SYNJ2: variants seen among roughly 807,000 people sequenced by gnomAD.
The protein encoded by SYNJ2 is synaptojanin 2, also known as polyphosphatidylinositol phosphatase SYNJ2.
SYNJ2 carries 116 observed loss-of-function variants against 141.3 expected under a neutral mutation model. That is an observed-to-expected ratio of 0.82 (90% CI 0.71 to 0.96). The LOEUF (loss-of-function observed/expected upper bound fraction) is 0.96. Ranked by LOEUF, SYNJ2 falls within the 40% of genes least tolerant of loss-of-function variation. The probability of loss-of-function intolerance (pLI) is 0.00; values close to 1 mark genes in which losing one functional copy is unlikely to be tolerated. For missense variants in SYNJ2, 1,873 were observed against 1,934.8 expected (o/e 0.97, Z 0.60); for synonymous variants, 745 against 777.7 (o/e 0.96, Z 0.70).
intron 1 of SYNJ2, among the ~76,000 whole-genome samples, chr6:157,987,186 C>T (rs1397609140): frequency 6.6e-6 from 1 of 152,052 alleles, no homozygotes; most frequent in African/African-American, 2.4e-5. Flanking sequence ...GGCATTTCAC[C>T]ATGTTGGCCA....
At chr6:158,044,294 T>A (rs1780119098) in intron 5 of SYNJ2, among the ~76,000 whole-genome samples, 1 of 152,196 alleles carries the variant, frequency 6.6e-6, no homozygotes, top group Non-Finnish European at 1.5e-5. Context: ...GTTCAGCTTC[T>A]TAGCCTGCTC....
intron 1 of SYNJ2, among the ~76,000 whole-genome samples, chr6:157,986,283 C>T (rs1777200238): frequency 6.6e-6 from 1 of 152,236 alleles, no homozygotes; most frequent in Non-Finnish European, 1.5e-5. Flanking sequence ...TAGCCGGAGG[C>T]TGTCTCAGCG....
At chr6:158,032,460 C>T (rs967989296) in intron 3 of SYNJ2, among the ~76,000 whole-genome samples, 1 of 152,230 alleles carries the variant, frequency 6.6e-6, no homozygotes, top group East Asian at 1.9e-4. Context: ...AGTATGGGCC[C>T]TCAGGATGGT....
intron 6 of SYNJ2, among the ~76,000 whole-genome samples, chr6:158,058,464 C>T (rs1305903540): frequency 1.3e-5 from 2 of 152,192 alleles, no homozygotes; most frequent in Non-Finnish European, 2.9e-5. Context: ...TTTCCAAAGC[C>T]TGCAAGTTTT....
intron 7 of SYNJ2, among the ~76,000 whole-genome samples, chr6:158,061,773 C>G: frequency 6.6e-6 from 1 of 152,298 alleles, no homozygotes; most frequent in East Asian, 1.9e-4. Context: ...TCTGCCCTTT[C>G]GCAGGCAAGA....
At chr6:158,018,408 G>C (rs774476022) in intron 2 of SYNJ2, among the ~76,000 whole-genome samples, 1 of 152,228 alleles carries the variant, frequency 6.6e-6, no homozygotes, top group Non-Finnish European at 1.5e-5. Flanking sequence ...TGGCTGAGAT[G>C]GGAATGGCTG....
intron 15 of SYNJ2, among the ~76,000 whole-genome samples, chr6:158,072,029 C>T (rs947078951): frequency 2.6e-5 from 4 of 152,224 alleles, no homozygotes; most frequent in Admixed American, 6.5e-5. Flanking sequence ...TGTACAATTC[C>T]TGAGTGTCTG....
At chr6:158,011,734 C>T (rs548786025) in intron 1 of SYNJ2, among the ~76,000 whole-genome samples, 6 of 152,282 alleles carry the variant, frequency 3.9e-5, no homozygotes, top group African/African-American at 1.2e-4. Flanking sequence ...TTGGCCACAA[C>T]ACTTTGTTTA....
rs1276388419 is a variant in SYNJ2, at chr6:158,033,685, G to C, written c.711+5G>C. The C allele has an allele frequency of 1.2e-6, 2 of 1,601,514 alleles. No individual in the cohort carries two copies. The highest frequency in any genetic ancestry group is 1.7e-6 in the Non-Finnish European group (2 of 1,174,426). Reference sequence around the variant, plus strand: ...AACTTCGTGGAGACAGAGCAGGTGAGTGCCCAGGCCCATCTGTGGCACCAA... The same window carrying C: ...AACTTCGTGGAGACAGAGCAGGTGACTGCCCAGGCCCATCTGTGGCACCAA... On this transcript the variant is annotated splice_donor_5th_base_variant and intron_variant, in intron 4 of 26. Coordinates refer to ENST00000355585, the MANE Select transcript of SYNJ2 (RefSeq NM_003898.4).
intron 22 of SYNJ2, 43 bp from the exon 23 acceptor site, chr6:158,086,812 T>C: frequency 6.2e-7 from 1 of 1,603,504 alleles, no homozygotes; most frequent in Non-Finnish European, 8.5e-7. Context: ...CACGCTCACG[T>C]GTGGAACAGA....
chr6:157,995,595 C>G (rs571987576), intron 1 of SYNJ2, among the ~76,000 whole-genome samples: 127 of 152,318 alleles, frequency 8.3e-4, no homozygotes, highest in Non-Finnish European at 1.5e-3. Context: ...TGAGCATCTG[C>G]GAGTGAAGTG....
At chr6:158,010,075 C>T (rs1266000033) in intron 1 of SYNJ2, among the ~76,000 whole-genome samples, 2 of 152,214 alleles carry the variant, frequency 1.3e-5, no homozygotes, top group African/African-American at 4.8e-5. Context: ...CACCACCATG[C>T]CTGGTTACTT....
At chr6:158,025,955 AAAAT>A (rs754676260) in intron 2 of SYNJ2, among the ~76,000 whole-genome samples, 20 of 149,004 alleles carry the variant, frequency 1.3e-4, no homozygotes, top group African/African-American at 3.5e-4. Context: ...TCTGTCTCAA[AAAAT>A]AAATAAATAA....
intron 11 of SYNJ2, 83 bp from the exon 12 acceptor site, chr6:158,066,361 G>T (rs1334719820): frequency 1.3e-6 from 2 of 1,504,234 alleles, no homozygotes; most frequent in African/African-American, 1.4e-5. Context: ...ATCTGTCTCT[G>T]CCAGGCAGCC....
chr6:158,078,043 G>A (rs1562391116), intron 17 of SYNJ2, 121 bp from the exon 18 acceptor site: 1 of 655,924 alleles, frequency 1.5e-6, no homozygotes, highest in Non-Finnish European at 2.7e-6. Context: ...GAGTAAGGAG[G>A]ATGAGTCTGG....
At chr6:158,065,914 G>T (rs1418847315) in intron 11 of SYNJ2, among the ~76,000 whole-genome samples, 1 of 152,234 alleles carries the variant, frequency 6.6e-6, no homozygotes, top group Non-Finnish European at 1.5e-5. Flanking sequence ...AGATGGTTCT[G>T]TGTAGTGACT....
chr6:158,017,402 CTTCTT>C, intron 2 of SYNJ2, 112 bp downstream of exon 2: 4 of 890,704 alleles, frequency 4.5e-6, no homozygotes, highest in Non-Finnish European at 4.6e-6. Flanking sequence ...TTCTCTCTCT[CTTCTT>C]TTTTTTTTTT....
In SYNJ2 at chr6:158,082,769, C is replaced by A. The variant is rs185517086; in HGVS notation, c.2866-660C>A. 2.4e-4 allele frequency among the ~76,000 whole-genome samples: 36 copies of A among 152,280 alleles called. 1 individual carries two copies. Among genetic ancestry groups the A allele is most frequent in the Admixed American group, 2.4e-3 (36 of 15,294 alleles). On this transcript the variant is annotated intron_variant, in intron 20 of 26. Coordinates refer to ENST00000355585, the MANE Select transcript of SYNJ2 (RefSeq NM_003898.4). Reference sequence around the variant, plus strand: ...AGCTTAGCCATTTTAGAGTGTAGTTCTCGCCGAGTTACTTGATCTGTCTAT... The same window carrying A: ...AGCTTAGCCATTTTAGAGTGTAGTTATCGCCGAGTTACTTGATCTGTCTAT...
chr6:158,020,221 TGACTCTGACTGTGTGACCCCCACCTGC>T (rs1466473342), intron 2 of SYNJ2, among the ~76,000 whole-genome samples: 6 of 145,974 alleles, frequency 4.1e-5, no homozygotes, highest in Non-Finnish European at 7.5e-5. Flanking sequence ...CCCACCTGCG[TGACTCTGACTGTGTGACCCCCACCTGC>T]GTGACTCTGA....
Sources: allele counts gnomAD v4.1 joint callset (sites outside exome capture counted in the v4.1 genomes callset), GRCh38; gene constraint gnomAD v4.1.1; transcripts MANE v1.5; gene names NCBI Gene and HGNC (gene_info 2026-07-23, HGNC 2026-07-21).